The following SELP variants were observed in gnomAD, a reference collection of about 807,000 sequenced individuals.
SELP encodes selectin P, also known as P-selectin.
In SELP, 92 loss-of-function variants were observed where a neutral mutation model predicts 104.1. That is an observed-to-expected ratio of 0.88 (90% CI 0.75 to 1.05). The LOEUF (loss-of-function observed/expected upper bound fraction) is 1.05, where lower values mean the gene tolerates loss of function less well. Among genes scored for constraint, SELP ranks in the 50% least tolerant of loss-of-function variants. SELP has a pLI of 0.00. For synonymous variants in SELP, 397 were observed against 364.5 expected (o/e 1.09, Z -1.01); for missense variants, 1,022 against 1,017.3 (o/e 1.00, Z -0.06).
At chr1:169,601,838 T>C (rs3917775) in intron 10 of SELP, among the ~76,000 whole-genome samples, 65,395 of 151,960 alleles carry the variant, frequency 0.43, 16,017 homozygotes, top group East Asian at 0.96. Context: ...TTTGTGTGGA[T>C]TGAATGTGAT....
chr1:169,616,165 T>C (rs1662796633), intron 3 of SELP, among the ~76,000 whole-genome samples: 1 of 152,180 alleles, frequency 6.6e-6, no homozygotes, highest in South Asian at 2.1e-4. Context: ...TATTTCACCT[T>C]CAATTACTTC....
chr1:169,613,010 C>T lies in SELP; in HGVS notation c.694G>A (p.Asp232Asn). Reference sequence around the variant, plus strand: ...CTGGGCCCATTTACTTGGTACCCGTCAGTGCAGTGGAAGCTGCACTGCGAG... The same window carrying T: ...CTGGGCCCATTTACTTGGTACCCGTTAGTGCAGTGGAAGCTGCACTGCGAG... ...FNSQCSFHCT[D>N]GYQVNGPSKL... The change falls in exon 5 of 17, where the codon GAC becomes AAC. Residue 232 changes from aspartate to asparagine, a missense_variant. Transcript: ENST00000263686. 1 of 1,613,950 alleles carries T rather than the reference C, an allele frequency of 6.2e-7. No homozygotes were observed. The highest frequency in any genetic ancestry group is 8.5e-7 in the Non-Finnish European group (1 of 1,179,872).
chr1:169,613,527 CT>C, intron 4 of SELP, 58 bp downstream of exon 4: 1 of 1,301,490 alleles, frequency 7.7e-7, no homozygotes, highest in Non-Finnish European at 1.1e-6. Flanking sequence ...GATTTATTTA[CT>C]TCTTGGCATC....
intron 10 of SELP, among the ~76,000 whole-genome samples, chr1:169,598,132 T>C (rs1208069756): frequency 6.6e-6 from 1 of 152,228 alleles, no homozygotes; most frequent in African/African-American, 2.4e-5. Context: ...ATTTAAATTT[T>C]AATTCACAAT....
At position 169,613,566 on chromosome 1, in the gene SELP, C is replaced by T; in HGVS notation, c.589+20G>A. On this transcript the variant is annotated intron_variant, in intron 4 of 16. Transcript: ENST00000263686. Reference sequence around the variant, plus strand: ...CTCTAGCATAAAACCAAAATAATATCAACAAAAAGGAAGCCTCACCGTATT... The same window carrying T: ...CTCTAGCATAAAACCAAAATAATATTAACAAAAAGGAAGCCTCACCGTATT... 1 of 1,590,570 alleles carries T rather than the reference C, an allele frequency of 6.3e-7. No individual in the cohort carries two copies. Among genetic ancestry groups the T allele is most frequent in the South Asian group, 1.1e-5 (1 of 90,602 alleles).
intron 10 of SELP, among the ~76,000 whole-genome samples, chr1:169,600,081 C>G (rs943717722): frequency 6.6e-6 from 1 of 151,464 alleles, no homozygotes; most frequent in Non-Finnish European, 1.5e-5. Flanking sequence ...AAAGTTGGCA[C>G]AAGAACCTCA....
chr1:169,592,911 C>T (rs1342383349), intron 14 of SELP, among the ~76,000 whole-genome samples: 1 of 152,190 alleles, frequency 6.6e-6, no homozygotes, highest in East Asian at 1.9e-4. Flanking sequence ...TTTACACTTT[C>T]ATGTCTTTCT....
rs3035296 is a variant in SELP, at chr1:169,603,307, C to CTGTGTGTGTGTGTGTG, written c.1520-112_1520-97dup. 593 of 605,548 alleles carry CTGTGTGTGTGTGTGTG rather than the reference C, an allele frequency of 9.8e-4. 5 individuals carry two copies. The African/African-American group carries it at 0.01, about 11-fold the overall frequency. The allele number at this position is 605,548 out of a possible 1,614,324, so 37.5% of individuals were successfully genotyped here. A position where few individuals can be genotyped will look rare whatever the true frequency, so the allele number is the denominator to read the frequency against. ...TCTCTCTCTTTCTCCCTCTCTCTCT[C>CTGTGTGTGTGTGTGTG]TGTGTGTGTGTGTGTGTGTGTGTGT... is the stretch of plus-strand genomic sequence containing the variant. On this transcript the variant is annotated intron_variant, in intron 9 of 16. Coordinates refer to ENST00000263686, the MANE Select transcript of SELP (RefSeq NM_003005.4).
In SELP at chr1:169,605,613, G is replaced by T. The variant is rs191176367; in HGVS notation, c.1519+1336C>A. Among the ~76,000 whole-genome samples the T allele has an allele frequency of 2.0e-5, 3 of 152,028 alleles. No homozygotes were observed. In the East Asian group the frequency reaches 5.8e-4, roughly 29 times the overall value. On this transcript the variant is annotated intron_variant, in intron 9 of 16. Transcript: ENST00000263686. ...TGTTGAAAGTCTATACAAAGTGAAAGGTATGGCAAATAATGTAGAACTGTC... is the reference window on the plus strand; with the variant it reads ...TGTTGAAAGTCTATACAAAGTGAAATGTATGGCAAATAATGTAGAACTGTC...
At chr1:169,606,103 G>C (rs1662180622) in intron 9 of SELP, among the ~76,000 whole-genome samples, 2 of 152,186 alleles carry the variant, frequency 1.3e-5, no homozygotes, top group South Asian at 4.1e-4. Context: ...GATCACCTGA[G>C]GTCAGGAGTT....
chr1:169,593,503 C>A, intron 14 of SELP, 102 bp downstream of exon 14: 1 of 884,126 alleles, frequency 1.1e-6, no homozygotes, highest in South Asian at 1.7e-5. Flanking sequence ...CCAACATGAA[C>A]TACTGAAGTT....
intron 8 of SELP, among the ~76,000 whole-genome samples, chr1:169,608,126 T>C (rs1408267697): frequency 6.7e-6 from 1 of 149,600 alleles, no homozygotes; most frequent in Non-Finnish European, 1.5e-5. Context: ...AGCCATCTAT[T>C]CTATTGCCTT....
At chr1:169,596,864 G>A in intron 11 of SELP, 127 bp downstream of exon 11, 1 of 760,920 alleles carries the variant, frequency 1.3e-6, no homozygotes, top group Non-Finnish European at 1.9e-6. Flanking sequence ...TCCTTCAGCT[G>A]TTTGCTAAAC....
At chr1:169,603,248 A>G (rs1662004737) in intron 9 of SELP, 37 bp from the exon 10 acceptor site, 1 of 1,573,356 alleles carries the variant, frequency 6.4e-7, no homozygotes, top group Non-Finnish European at 8.7e-7. Flanking sequence ...AGAAGAGATC[A>G]TTTTATAATT....
intron 3 of SELP, among the ~76,000 whole-genome samples, chr1:169,616,419 C>T (rs1015604927): frequency 6.6e-6 from 1 of 152,220 alleles, no homozygotes; most frequent in Non-Finnish European, 1.5e-5. Flanking sequence ...GGGCAGATTA[C>T]TTAATAGCTC....
chr1:169,611,178 C>T (rs1662512844), intron 7 of SELP, among the ~76,000 whole-genome samples: 4 of 152,168 alleles, frequency 2.6e-5, no homozygotes, highest in South Asian at 2.1e-4. Flanking sequence ...CCACCTTAGC[C>T]GCTGCTCCCA....
intron 1 of SELP, among the ~76,000 whole-genome samples, chr1:169,626,089 A>G (rs1052216971): frequency 1.3e-5 from 2 of 152,384 alleles, no homozygotes; most frequent in East Asian, 3.9e-4. Flanking sequence ...GAAGAAGAGC[A>G]TTAAAGGAAG....
intron 7 of SELP, 54 bp downstream of exon 7, chr1:169,611,438 C>G: frequency 1.9e-6 from 3 of 1,578,984 alleles, no homozygotes; most frequent in Non-Finnish European, 2.6e-6. Context: ...GGCCTCTCTA[C>G]CATGCCATGA....
At chr1:169,609,961 C>A (rs551486776) in intron 7 of SELP, among the ~76,000 whole-genome samples, 4 of 152,196 alleles carry the variant, frequency 2.6e-5, no homozygotes, top group South Asian at 2.1e-4. Context: ...GAAGCCCCTG[C>A]AATGTGCTCC....
Sources: gnomAD v4.1 joint callset for allele counts (sites outside exome capture counted in the v4.1 genomes callset) on GRCh38, gnomAD v4.1.1 for gene constraint, MANE v1.5 for transcripts, NCBI Gene and HGNC (gene_info 2026-07-23, HGNC 2026-07-21) for gene names.